AFG1L: variants seen among roughly 807,000 people sequenced by gnomAD.
The protein encoded by AFG1L is AFG1-like ATPase.
Under a neutral mutation model 62.2 loss-of-function variants are expected in AFG1L, and 53 were observed. That is an observed-to-expected ratio of 0.85 (90% CI 0.68 to 1.07). The LOEUF (loss-of-function observed/expected upper bound fraction) is 1.07. AFG1L is among the 50% of genes least tolerant of loss of function. The pLI is 0.00. For missense variants in AFG1L, 555 were observed against 590.5 expected, an observed-to-expected ratio of 0.94 and a Z score of 0.62; for synonymous variants, 228 against 210.3, an observed-to-expected ratio of 1.08 and a Z score of -0.73.
intron 1 of AFG1L, among the ~76,000 whole-genome samples, chr6:108,323,427 A>G (rs987418210): frequency 6.6e-6 from 1 of 152,076 alleles, no homozygotes; most frequent in African/African-American, 2.4e-5. Context: ...ACAGTGGCAC[A>G]ATCTCTGCTC....
At chr6:108,400,865 TA>T (rs1781567392) in intron 6 of AFG1L, among the ~76,000 whole-genome samples, 1 of 32,950 alleles carries the variant, frequency 3.0e-5, no homozygotes, top group East Asian at 4.3e-4. Context: ...ATATAATATA[TA>T]AAATATATAT....
intron 3 of AFG1L, among the ~76,000 whole-genome samples, chr6:108,354,672 A>G (rs1779200276): frequency 6.6e-6 from 1 of 152,102 alleles, no homozygotes; most frequent in South Asian, 2.1e-4. Flanking sequence ...TACAGTGTGG[A>G]TATGCTAGAC....
intron 5 of AFG1L, among the ~76,000 whole-genome samples, chr6:108,364,767 C>T (rs939627957): frequency 2.0e-5 from 3 of 151,222 alleles, no homozygotes; most frequent in Non-Finnish European, 4.4e-5. Flanking sequence ...ATAATATCAG[C>T]ACCACTTTCC....
At chr6:108,467,304 A>G (rs1772714792) in intron 8 of AFG1L, among the ~76,000 whole-genome samples, 1 of 151,452 alleles carries the variant, frequency 6.6e-6, no homozygotes, top group African/African-American at 2.4e-5. Flanking sequence ...CTGCAGTGCA[A>G]TGGCACGATC....
chr6:108,522,368 A>G lies in AFG1L; in HGVS notation c.1389A>G (p.Arg463=), dbSNP rs757463855. Reference sequence around the variant, plus strand: ...TTGCATTTCAGCGCACAATTTCCCGACTCACGGAAATGCAGACTGAACAGT... The same window carrying G: ...TTGCATTTCAGCGCACAATTTCCCGGCTCACGGAAATGCAGACTGAACAGT... The part of the protein sequence containing the change: ...EIFAFQRTIS[R]LTEMQTEQYW... The change falls in exon 13 of 13, where the codon CGA becomes CGG. Residue 463 remains arginine (R), a synonymous_variant. Coordinates refer to ENST00000368977, the MANE Select transcript of AFG1L (RefSeq NM_145315.5). 1.2e-6 allele frequency: 2 copies of G among 1,614,074 alleles called. No homozygotes were observed. The highest frequency in any genetic ancestry group is 1.1e-5 in the South Asian group (1 of 91,090).
intron 1 of AFG1L, among the ~76,000 whole-genome samples, chr6:108,303,501 A>G (rs1280627782): frequency 6.6e-6 from 1 of 152,138 alleles, no homozygotes; most frequent in Admixed American, 6.5e-5. Flanking sequence ...GTTGAGGACC[A>G]TTTCTACTCC....
At chr6:108,521,487 A>G (rs1775122273) in intron 12 of AFG1L, 2 of 152,240 alleles carry the variant, frequency 1.3e-5, no homozygotes, top group African/African-American at 4.8e-5. Flanking sequence ...TGACAGAGTG[A>G]GACCCTATCT....
At chr6:108,311,039 G>A (rs1406430324) in intron 1 of AFG1L, among the ~76,000 whole-genome samples, 12 of 152,104 alleles carry the variant, frequency 7.9e-5, no homozygotes, top group Admixed American at 6.5e-4. Flanking sequence ...TTAAGAGAAG[G>A]CATAAGCCAC....
At chr6:108,462,994 A>T (rs925345045) in intron 8 of AFG1L, among the ~76,000 whole-genome samples, 2 of 152,096 alleles carry the variant, frequency 1.3e-5, no homozygotes, top group Non-Finnish European at 2.9e-5. Context: ...TAGCTATTAA[A>T]ACTCCCTGGC....
chr6:108,474,956 C>A (rs1374927223), intron 8 of AFG1L, among the ~76,000 whole-genome samples: 2 of 152,138 alleles, frequency 1.3e-5, no homozygotes, highest in African/African-American at 4.8e-5. Context: ...ATCATAAAAT[C>A]TTTGCCCATG....
chr6:108,448,852 A>C (rs1438805506), intron 8 of AFG1L, among the ~76,000 whole-genome samples: 1 of 152,184 alleles, frequency 6.6e-6, no homozygotes, highest in East Asian at 1.9e-4. Context: ...TTTCCTGAGA[A>C]GTATATAAAT....
intron 6 of AFG1L, among the ~76,000 whole-genome samples, chr6:108,383,742 C>T (rs1780643300): frequency 6.6e-6 from 1 of 151,962 alleles, no homozygotes; most frequent in African/African-American, 2.4e-5. Context: ...CAGATACAGT[C>T]GAGCATTTTA....
chr6:108,480,578 A>T (rs1393540830), intron 10 of AFG1L, among the ~76,000 whole-genome samples: 2 of 152,196 alleles, frequency 1.3e-5, no homozygotes, highest in Non-Finnish European at 2.9e-5. Flanking sequence ...CAGGCGGATC[A>T]CATGAGGTCA....
chr6:108,508,297 T>G (rs1202955283), intron 10 of AFG1L, among the ~76,000 whole-genome samples: 3 of 152,036 alleles, frequency 2.0e-5, no homozygotes, highest in Admixed American at 2.0e-4. Context: ...GGAACAGAAG[T>G]AGGTTTAAAC....
At chr6:108,378,576 C>T (rs1371258046) in intron 6 of AFG1L, among the ~76,000 whole-genome samples, 1 of 152,174 alleles carries the variant, frequency 6.6e-6, no homozygotes, top group Non-Finnish European at 1.5e-5. Context: ...ACCTTGGCCT[C>T]CCAAAGTGCT....
At chr6:108,329,376 G>A (rs141801526) in intron 2 of AFG1L, among the ~76,000 whole-genome samples, 1,865 of 152,128 alleles carry the variant, frequency 0.012, 32 homozygotes, top group African/African-American at 0.043. Flanking sequence ...TTGGCTCACT[G>A]CAACCTCTGC....
At chr6:108,373,670 A>G (rs1770345554) in intron 6 of AFG1L, among the ~76,000 whole-genome samples, 1 of 147,870 alleles carries the variant, frequency 6.8e-6, no homozygotes, top group African/African-American at 2.5e-5. Flanking sequence ...TCTGCCTCCC[A>G]GGTTCAAGTG....
intron 10 of AFG1L, among the ~76,000 whole-genome samples, chr6:108,503,413 TAC>T (rs1297774445): frequency 1.3e-5 from 2 of 152,364 alleles, no homozygotes; most frequent in East Asian, 3.9e-4. Context: ...CATCTCTTTG[TAC>T]AGTTCCACCA....
At chr6:108,376,446 A>C (rs923719328) in intron 6 of AFG1L, among the ~76,000 whole-genome samples, 15 of 151,788 alleles carry the variant, frequency 9.9e-5, no homozygotes, top group African/African-American at 3.6e-4. Context: ...TATATCGCAG[A>C]GATTTTGGGA....
Sources: gnomAD v4.1 joint callset for allele counts (sites outside exome capture counted in the v4.1 genomes callset) on GRCh38, gnomAD v4.1.1 for gene constraint, MANE v1.5 for transcripts, NCBI Gene and HGNC (gene_info 2026-07-23, HGNC 2026-07-21) for gene names.